ATF2: variants seen among roughly 807,000 people sequenced by gnomAD.
ATF2 encodes the protein cyclic AMP-dependent transcription factor ATF-2.
ATF2 carries 24 observed loss-of-function variants against 60.6 expected under a neutral mutation model. The observed-to-expected ratio is 0.40, with a 90% CI of 0.29 to 0.56. ATF2 has a LOEUF of 0.56. ATF2 is among the 20% of genes least tolerant of loss of function. The probability of loss-of-function intolerance (pLI) is 0.54; values close to 1 mark genes in which losing one functional copy is unlikely to be tolerated. For synonymous variants in ATF2, 206 were observed against 215.4 expected (o/e 0.96, Z 0.38); for missense variants, 433 against 607.7 (o/e 0.71, Z 3.02).
chr2:175,140,128 T>C (rs968352544), intron 2 of ATF2, among the ~76,000 whole-genome samples: 1 of 152,190 alleles, frequency 6.6e-6, no homozygotes, highest in Non-Finnish European at 1.5e-5. Context: ...ACTGCACAGA[T>C]ACACATAAGA....
At chr2:175,155,427 G>C (rs1030950939) in intron 1 of ATF2, among the ~76,000 whole-genome samples, 4 of 152,184 alleles carry the variant, frequency 2.6e-5, no homozygotes, top group African/African-American at 9.7e-5. Context: ...ATAGCTTTAA[G>C]AATTGGTGTT....
chr2:175,083,253 A>G (rs1396849430), intron 12 of ATF2, among the ~76,000 whole-genome samples: 1 of 152,116 alleles, frequency 6.6e-6, no homozygotes, highest in East Asian at 1.9e-4. Flanking sequence ...ACTATACTAC[A>G]AGGCTACAGT....
At chr2:175,076,880 T>G (rs1027280628) in intron 13 of ATF2, among the ~76,000 whole-genome samples, 1 of 152,112 alleles carries the variant, frequency 6.6e-6, no homozygotes, top group African/African-American at 2.4e-5. Context: ...ATATGCCATG[T>G]TGGTGTGCTG....
At chr2:175,162,479 G>T (rs1700090220) in intron 1 of ATF2, among the ~76,000 whole-genome samples, 1 of 152,136 alleles carries the variant, frequency 6.6e-6, no homozygotes, top group Non-Finnish European at 1.5e-5. Context: ...TATATCCTTT[G>T]ACTAGTAATT....
chr2:175,116,763 T>A (rs1325994702), intron 7 of ATF2, among the ~76,000 whole-genome samples: 1 of 151,532 alleles, frequency 6.6e-6, no homozygotes, highest in African/African-American at 2.4e-5. Flanking sequence ...CCACGAACAA[T>A]GAAAAACTGT....
At chr2:175,120,563 A>C (rs1348125691) in intron 5 of ATF2, among the ~76,000 whole-genome samples, 1 of 151,646 alleles carries the variant, frequency 6.6e-6, no homozygotes, top group African/African-American at 2.4e-5. Context: ...AATAATTTAA[A>C]AGTATTACAG....
At chr2:175,154,888 G>A (rs1274782621) in intron 1 of ATF2, among the ~76,000 whole-genome samples, 1 of 152,172 alleles carries the variant, frequency 6.6e-6, no homozygotes. Flanking sequence ...CAAAAAGTAG[G>A]CATCAGTATG....
At chr2:175,105,310 G>GCC (rs34755587) in intron 10 of ATF2, among the ~76,000 whole-genome samples, 15 of 144,680 alleles carry the variant, frequency 1.0e-4, no homozygotes, top group East Asian at 4.1e-4. Flanking sequence ...ATTAAAATCT[G>GCC]CCCCCCCCCC....
chr2:175,111,723 G>T, intron 9 of ATF2, 69 bp from the exon 10 acceptor site: 1 of 1,319,602 alleles, frequency 7.6e-7, no homozygotes. Flanking sequence ...CTTTACTGCT[G>T]TTGTAATAAT....
chr2:175,133,808 G>T (rs1697924208), intron 3 of ATF2, among the ~76,000 whole-genome samples: 1 of 151,924 alleles, frequency 6.6e-6, no homozygotes, highest in Non-Finnish European at 1.5e-5. Flanking sequence ...GGACACAAAA[G>T]GTCCATAAAA....
chr2:175,122,396 C>T (rs1442905336), intron 4 of ATF2, among the ~76,000 whole-genome samples: 1 of 151,848 alleles, frequency 6.6e-6, no homozygotes, highest in Non-Finnish European at 1.5e-5. Context: ...TTTTAAAATG[C>T]TAAGTTAACA....
intron 4 of ATF2, among the ~76,000 whole-genome samples, chr2:175,128,662 A>G (rs10168360): frequency 0.79 from 119,847 of 152,044 alleles, 48,023 homozygotes; most frequent in East Asian, 0.87. Context: ...CAAGTCACAG[A>G]AAGCAACAAC....
At chr2:175,117,613 C>T (rs903448629) in intron 7 of ATF2, among the ~76,000 whole-genome samples, 1 of 151,824 alleles carries the variant, frequency 6.6e-6, no homozygotes, top group African/African-American at 2.4e-5. Context: ...GTAACTAGTC[C>T]CTTAATCCTG....
At chr2:175,164,512 A>C (rs1034364326) in intron 1 of ATF2, among the ~76,000 whole-genome samples, 1 of 152,174 alleles carries the variant, frequency 6.6e-6, no homozygotes, top group Non-Finnish European at 1.5e-5. Context: ...CCAGCGTGGA[A>C]GCCAGAGGGA....
intron 1 of ATF2, among the ~76,000 whole-genome samples, chr2:175,151,806 A>G (rs375371174): frequency 2.6e-5 from 4 of 152,284 alleles, no homozygotes; most frequent in South Asian, 4.1e-4. Context: ...GGGTCCTTAT[A>G]TTTTGTTGGT....
At chr2:175,137,426 A>G (rs1205787998) in intron 2 of ATF2, among the ~76,000 whole-genome samples, 1 of 152,158 alleles carries the variant, frequency 6.6e-6, no homozygotes, top group East Asian at 1.9e-4. Flanking sequence ...GTAGAATATG[A>G]GCTCCATGAG....
At chr2:175,133,124 A>C (rs1697865314) in intron 3 of ATF2, among the ~76,000 whole-genome samples, 1 of 151,974 alleles carries the variant, frequency 6.6e-6, no homozygotes, top group Admixed American at 6.6e-5. Context: ...AATAAATCCC[A>C]GTGCTTTTAT....
At chr2:175,157,896 C>T (rs1057263332) in intron 1 of ATF2, among the ~76,000 whole-genome samples, 1 of 151,836 alleles carries the variant, frequency 6.6e-6, no homozygotes, top group African/African-American at 2.4e-5. Flanking sequence ...AGAAGGCTAA[C>T]GCAGAGAACT....
chr2:175,121,410 T>C, intron 5 of ATF2, 34 bp downstream of exon 5: 1 of 1,423,552 alleles, frequency 7.0e-7, no homozygotes, highest in Non-Finnish European at 9.6e-7. Flanking sequence ...AGGTGAAATA[T>C]GTATACAAGC....
Sources: gnomAD v4.1 joint callset for allele counts (sites outside exome capture counted in the v4.1 genomes callset) on GRCh38, gnomAD v4.1.1 for gene constraint, MANE v1.5 for transcripts, NCBI Gene and HGNC (gene_info 2026-07-23, HGNC 2026-07-21) for gene names.